Variants in ABHD6 observed in about 807,000 individuals in gnomAD.
The protein encoded by ABHD6 is monoacylglycerol lipase ABHD6.
Under a neutral mutation model 38.8 loss-of-function variants are expected in ABHD6, and 33 were observed. The ratio of observed to expected loss-of-function variants is 0.85; its 90% CI spans 0.64 to 1.14. The LOEUF is 1.14. Among genes scored for constraint, ABHD6 ranks in the 50% most tolerant of loss-of-function variants. The pLI is 0.00. For synonymous variants in ABHD6, 147 were observed against 161.6 expected (o/e 0.91, Z 0.69); for missense variants, 380 against 422.6 (o/e 0.90, Z 0.88).
At chr3:58,289,310 T>C (rs2107479226) in intron 9 of ABHD6, among the ~76,000 whole-genome samples, 1 of 151,698 alleles carries the variant, frequency 6.6e-6, no homozygotes, top group African/African-American at 2.4e-5. Context: ...CATAGGACAA[T>C]AGTGGAGGGA....
In ABHD6 at chr3:58,294,549, A is replaced by G. The variant is rs1381975449; in HGVS notation, c.*784A>G. On this transcript the variant is annotated 3_prime_UTR_variant, in exon 10 of 10. Coordinates refer to ENST00000478253, the MANE Select transcript of ABHD6 (RefSeq NM_001320126.2). ...AAGTAATCAGACTCAGGTTCCACAC[A>G]CAAGCAACAACTCGTGGGCCTCTTT... 6.5e-6 allele frequency: 1 copy of G among 152,676 alleles called. No homozygotes were observed. The highest frequency in any genetic ancestry group is 1.5e-5 in the Non-Finnish European group (1 of 68,048). 9.5% of individuals were successfully genotyped at this position (152,676 alleles called of 1,614,324 possible). A position where few individuals can be genotyped will look rare whatever the true frequency, so the allele number is the denominator to read the frequency against.
intron 7 of ABHD6, among the ~76,000 whole-genome samples, chr3:58,275,969 T>C (rs1188060411): frequency 2.0e-5 from 3 of 152,364 alleles, no homozygotes; most frequent in Admixed American, 1.3e-4. Context: ...GGCTGCGTAG[T>C]ATTCCATGGT....
intron 2 of ABHD6, among the ~76,000 whole-genome samples, chr3:58,255,515 A>C (rs1382956125): frequency 1.2e-4 from 18 of 148,804 alleles, no homozygotes; most frequent in Non-Finnish European, 1.5e-5. Flanking sequence ...GCTAGAGTGC[A>C]GTGGTGCAAT....
At chr3:58,278,762 A>G (rs2097450742) in intron 7 of ABHD6, among the ~76,000 whole-genome samples, 1 of 152,168 alleles carries the variant, frequency 6.6e-6, no homozygotes, top group Admixed American at 6.5e-5. Flanking sequence ...CCCTCTACAC[A>G]CTGCTTTAAA....
In ABHD6 at chr3:58,285,367, G is replaced by A. The variant is rs1017961658; in HGVS notation, c.751G>A (p.Val251Ile). The change falls in exon 9 of 10, where the codon GTC becomes ATC. Residue 251 changes from valine (V) to isoleucine (I), a missense_variant. Physicochemically the swap from Val to Ile is conservative, Grantham distance 29. Transcript: ENST00000478253. The surrounding 1 kb of genome is among the most constrained non-coding windows in gnomAD (Gnocchi z 4.9). The stretch of plus-strand genomic sequence containing the variant: ...TTTCTGACAAGTGTTTTTGGAAATC[G>A]TCAGTGAGAAGTCCAGATACTCTCT... Reference protein sequence around the residue: ...NFYRKLFLEIVSEKSRYSLHQ... With the variant: ...NFYRKLFLEIISEKSRYSLHQ... 7 of 1,614,148 alleles carry A rather than the reference G, an allele frequency of 4.3e-6. No homozygotes were observed. Among genetic ancestry groups the A allele is most frequent in the East Asian group, 2.2e-5 (1 of 44,888 alleles).
intron 3 of ABHD6, among the ~76,000 whole-genome samples, chr3:58,260,554 T>C (rs1357499167): frequency 6.6e-6 from 1 of 152,214 alleles, no homozygotes; most frequent in Non-Finnish European, 1.5e-5. Context: ...AAGTGACATT[T>C]ACACAGTGGT....
intron 9 of ABHD6, among the ~76,000 whole-genome samples, chr3:58,286,848 GTGTGTATA>G (rs1307937221): frequency 5.1e-4 from 36 of 70,030 alleles, no homozygotes; most frequent in Admixed American, 4.3e-3. Context: ...GTGTGTGTGT[GTGTGTATA>G]TATATATATA....
At chr3:58,286,860 A>ATGCATG (rs1397443608) in intron 9 of ABHD6, among the ~76,000 whole-genome samples, 2 of 121,378 alleles carry the variant, frequency 1.6e-5, no homozygotes, top group African/African-American at 7.0e-5. Context: ...GTGTATATAT[A>ATGCATG]TATATATATG....
chr3:58,289,867 G>GA (rs1358083161), intron 9 of ABHD6, among the ~76,000 whole-genome samples: 5 of 98,016 alleles, frequency 5.1e-5, no homozygotes, highest in Non-Finnish European at 7.8e-5. Context: ...GTAGGGGGCT[G>GA]ACCCCCCCAC....
chr3:58,289,713 C>T (rs2097460206), intron 9 of ABHD6, among the ~76,000 whole-genome samples: 1 of 152,246 alleles, frequency 6.6e-6, no homozygotes, highest in East Asian at 1.9e-4. Flanking sequence ...CACAAAACCA[C>T]CATTGTCATC....
chr3:58,267,731 A>G lies in ABHD6; in HGVS notation c.276+386A>G, dbSNP rs2097442153. On this transcript the variant is annotated intron_variant, in intron 4 of 9. Coordinates refer to ENST00000478253, the MANE Select transcript of ABHD6 (RefSeq NM_001320126.2). This position sits in a 1 kb window ranked among gnomAD's most constrained non-coding sequence, Gnocchi z 4.3. The stretch of plus-strand genomic sequence containing the variant: ...TCCACTAGGACATGATGTCATCAAC[A>G]ATGGTAGAAAGCAAAGGGAACTCAG... Among the ~76,000 whole-genome samples, 1 of 152,198 alleles carries G rather than the reference A, an allele frequency of 6.6e-6. No individual in the cohort carries two copies. Among genetic ancestry groups the G allele is most frequent in the South Asian group, 2.1e-4 (1 of 4,832 alleles).
At position 58,238,585 on chromosome 3, in the gene ABHD6, C is replaced by T. The variant is rs72886112; in HGVS notation, c.-91+669C>T. ...TGCCTTAGAAATGCGGATTGTGTAA[C>T]GCCGGCTGCAGGGCAGTGCACGTGC... On this transcript the variant is annotated intron_variant, in intron 1 of 9. Coordinates refer to ENST00000478253, the MANE Select transcript of ABHD6 (RefSeq NM_001320126.2). This position sits in a 1 kb window ranked among gnomAD's most constrained non-coding sequence, Gnocchi z 6.9. 21,451 of 152,558 alleles carry T rather than the reference C, an allele frequency of 0.14. 2,226 individuals are homozygous for T. Among genetic ancestry groups the T allele is most frequent in the African/African-American group, 0.29 (12,242 of 41,524 alleles). The allele number at this position is 152,558 out of a possible 1,614,324, so 9.5% of individuals were successfully genotyped here.
intron 7 of ABHD6, among the ~76,000 whole-genome samples, chr3:58,284,834 G>A (rs185668517): frequency 2.0e-5 from 3 of 152,150 alleles, no homozygotes; most frequent in African/African-American, 7.2e-5. Flanking sequence ...TTAACATGCT[G>A]TAGGGCACCT....
In ABHD6 at chr3:58,238,398, C is replaced by T. The variant is rs2097420563; in HGVS notation, c.-91+482C>T. 1 of 152,890 alleles carries T rather than the reference C, an allele frequency of 6.5e-6. No individual in the cohort carries two copies. The highest frequency in any genetic ancestry group is 1.5e-5 in the Non-Finnish European group (1 of 68,414). 9.5% of individuals were successfully genotyped at this position (152,890 alleles called of 1,614,324 possible). ...GTCCCCAAGATCTCGCTCCGCTACTCCCCTCCCCCAGCAGCCTTTCAGCTT... is the reference window on the plus strand; with the variant it reads ...GTCCCCAAGATCTCGCTCCGCTACTTCCCTCCCCCAGCAGCCTTTCAGCTT... On this transcript the variant is annotated intron_variant, in intron 1 of 9. Transcript: ENST00000478253. The surrounding 1 kb of genome is among the most constrained non-coding windows in gnomAD (Gnocchi z 6.9).
intron 9 of ABHD6, among the ~76,000 whole-genome samples, chr3:58,286,221 A>G (rs1283261750): frequency 1.3e-5 from 2 of 151,896 alleles, no homozygotes; most frequent in East Asian, 1.9e-4. Context: ...GGGTTTCACC[A>G]TGTTAGCCAG....
chr3:58,267,430 T>C lies in ABHD6; in HGVS notation c.276+85T>C. 1 of 1,532,942 alleles carries C rather than the reference T, an allele frequency of 6.5e-7. No homozygotes were observed. The highest frequency in any genetic ancestry group is 8.9e-7 in the Non-Finnish European group (1 of 1,121,700). The allele number at this position is 1,532,942 out of a possible 1,614,324, so 95.0% of individuals were successfully genotyped here. A position where few individuals can be genotyped will look rare whatever the true frequency, so the allele number is the denominator to read the frequency against. On this transcript the variant is annotated intron_variant, in intron 4 of 9. Coordinates refer to ENST00000478253, the MANE Select transcript of ABHD6 (RefSeq NM_001320126.2). The surrounding 1 kb of genome is among the most constrained non-coding windows in gnomAD (Gnocchi z 4.3). ...CTATAATCCCAGCACTTTGGGAGCC[T>C]GAGGCAGGAGGATTGCTTGAGTCCA...
intron 1 of ABHD6, among the ~76,000 whole-genome samples, chr3:58,248,083 T>A (rs2097427629): frequency 6.6e-6 from 1 of 152,242 alleles, no homozygotes; most frequent in Non-Finnish European, 1.5e-5. Flanking sequence ...TCTCACTCTC[T>A]GTTTTTCAGT....
rs554036793 is a variant in ABHD6 at position 58,285,779 on chromosome 3, C to G, written c.837+326C>G. ...AATGAAAACTTTTCTTTTTCGCATC[C>G]CAAATTCCATTCTCCATTACCATGA... On this transcript the variant is annotated intron_variant, in intron 9 of 9. Transcript: ENST00000478253. The surrounding 1 kb of genome is among the most constrained non-coding windows in gnomAD (Gnocchi z 4.9). Among the ~76,000 whole-genome samples the G allele has an allele frequency of 6.6e-6, 1 of 152,316 alleles. No homozygotes were observed. Among genetic ancestry groups the G allele is most frequent in the East Asian group, 1.9e-4 (1 of 5,194 alleles).
Position 58,274,755 on chromosome 3 carries a change from A to G in ABHD6, c.621A>G (p.Pro207=). 6.2e-7 allele frequency: 1 copy of G among 1,614,242 alleles called. No homozygotes were observed. Among genetic ancestry groups the G allele is most frequent in the Non-Finnish European group, 8.5e-7 (1 of 1,180,046 alleles). Reference sequence around the variant, plus strand: ...AGATTCCCTTGATCCCGTCTACCCCAGAAGAGATGAGTGAAATGCTTCAGC... The same window carrying G: ...AGATTCCCTTGATCCCGTCTACCCCGGAAGAGATGAGTGAAATGCTTCAGC... ...VEKIPLIPST[P]EEMSEMLQLC... is the part of the protein sequence containing the mutation. The change falls in exon 7 of 10, where the codon CCA becomes CCG. Residue 207 remains proline (P), a synonymous_variant. Transcript: ENST00000478253.
Sources: gnomAD v4.1 joint callset for allele counts (sites outside exome capture counted in the v4.1 genomes callset) on GRCh38, gnomAD v4.1.1 for gene constraint, Gnocchi (gnomAD v3.1) non-coding constraint, MANE v1.5 for transcripts, NCBI Gene and HGNC (gene_info 2026-07-23, HGNC 2026-07-21) for gene names.